The following PPP1R12B variants were observed in gnomAD, a reference collection of about 807,000 sequenced individuals.
PPP1R12B encodes myosin phosphatase target subunit 2.
Under a neutral mutation model 126.1 loss-of-function variants are expected in PPP1R12B, and 76 were observed. The ratio of observed to expected loss-of-function variants is 0.60; its 90% CI spans 0.50 to 0.73. The LOEUF (loss-of-function observed/expected upper bound fraction) is 0.73. PPP1R12B is among the 30% of genes least tolerant of loss of function. PPP1R12B has a pLI of 0.00. For missense variants in PPP1R12B, 1,052 were observed against 1,205.1 expected (o/e 0.87, Z 1.88); for synonymous variants, 356 against 434.7 (o/e 0.82, Z 2.25).
At chr1:202,458,979 G>A (rs2148749852) in intron 13 of PPP1R12B, among the ~76,000 whole-genome samples, 1 of 152,328 alleles carries the variant, frequency 6.6e-6, no homozygotes, top group South Asian at 2.1e-4. Context: ...GTTGGGGAGT[G>A]GGTTTTACCA....
chr1:202,353,751 C>A (rs1656504093), intron 1 of PPP1R12B, among the ~76,000 whole-genome samples: 1 of 151,910 alleles, frequency 6.6e-6, no homozygotes, highest in African/African-American at 2.4e-5. Flanking sequence ...ACTGGGACTA[C>A]AGGCACACCC....
chr1:202,466,632 T>G (rs538885917), intron 13 of PPP1R12B, among the ~76,000 whole-genome samples: 33 of 152,352 alleles, frequency 2.2e-4, no homozygotes, highest in African/African-American at 7.2e-4. Flanking sequence ...GTAAAGGACT[T>G]ACTTAGGACA....
chr1:202,484,075 C>G (rs1677759679), intron 13 of PPP1R12B, among the ~76,000 whole-genome samples: 1 of 152,102 alleles, frequency 6.6e-6, no homozygotes, highest in Admixed American at 6.5e-5. Flanking sequence ...CACTCTATAT[C>G]TTTTAATTGG....
intron 1 of PPP1R12B, among the ~76,000 whole-genome samples, chr1:202,368,871 A>G (rs894881243): frequency 2.0e-5 from 3 of 152,146 alleles, no homozygotes; most frequent in African/African-American, 7.2e-5. Context: ...AGCTACGACT[A>G]CAGGAATGCA....
At chr1:202,429,173 C>T (rs1669910258) in intron 6 of PPP1R12B, among the ~76,000 whole-genome samples, 1 of 152,136 alleles carries the variant, frequency 6.6e-6, no homozygotes, top group Non-Finnish European at 1.5e-5. Context: ...AAGTTAAAAA[C>T]AGCCACAAAA....
intron 18 of PPP1R12B, among the ~76,000 whole-genome samples, chr1:202,540,788 G>A (rs981176063): frequency 2.6e-5 from 4 of 152,204 alleles, no homozygotes; most frequent in African/African-American, 7.2e-5. Context: ...CAATGAGCAA[G>A]GAGTTATGGC....
At chr1:202,487,286 A>C (rs928947101) in intron 13 of PPP1R12B, among the ~76,000 whole-genome samples, 3 of 152,270 alleles carry the variant, frequency 2.0e-5, no homozygotes, top group African/African-American at 4.8e-5. Context: ...CCTATTTTCT[A>C]TAGGAACAGA....
chr1:202,435,231 CACAA>C (rs1235679393), intron 9 of PPP1R12B, among the ~76,000 whole-genome samples: 2 of 152,126 alleles, frequency 1.3e-5, no homozygotes, highest in African/African-American at 4.8e-5. Flanking sequence ...TTTTGGAGGA[CACAA>C]ACATTCAACC....
intron 13 of PPP1R12B, among the ~76,000 whole-genome samples, chr1:202,458,981 G>A (rs1430135184): frequency 6.6e-6 from 1 of 152,192 alleles, no homozygotes; most frequent in African/African-American, 2.4e-5. Context: ...TGGGGAGTGG[G>A]TTTTACCATT....
chr1:202,400,931 C>T (rs926125892), intron 1 of PPP1R12B, among the ~76,000 whole-genome samples: 1 of 152,196 alleles, frequency 6.6e-6, no homozygotes, highest in African/African-American at 2.4e-5. Context: ...AAATCCAGCC[C>T]ACTGCCTGTT....
intron 1 of PPP1R12B, among the ~76,000 whole-genome samples, chr1:202,369,190 T>G (rs1196001619): frequency 6.6e-6 from 1 of 152,198 alleles, no homozygotes; most frequent in Non-Finnish European, 1.5e-5. Flanking sequence ...TCCCCAGTAT[T>G]TAAATATATT....
At chr1:202,399,255 T>C (rs1006443839) in intron 1 of PPP1R12B, among the ~76,000 whole-genome samples, 2 of 152,178 alleles carry the variant, frequency 1.3e-5, no homozygotes, top group Admixed American at 6.5e-5. Context: ...GGTCTCGCTC[T>C]GTCACCTAGG....
At chr1:202,466,862 C>T (rs1441350075) in intron 13 of PPP1R12B, among the ~76,000 whole-genome samples, 2 of 152,024 alleles carry the variant, frequency 1.3e-5, no homozygotes, top group African/African-American at 4.8e-5. Context: ...AGTCTTTGTT[C>T]TCACTTTTTT....
intron 18 of PPP1R12B, among the ~76,000 whole-genome samples, chr1:202,498,950 A>G (rs967145487): frequency 1.3e-5 from 2 of 152,158 alleles, no homozygotes; most frequent in Admixed American, 6.5e-5. Flanking sequence ...CTTGAGAATT[A>G]TAATATCTAT....
intron 1 of PPP1R12B, among the ~76,000 whole-genome samples, chr1:202,375,613 T>G (rs1661050928): frequency 6.6e-6 from 1 of 152,240 alleles, no homozygotes; most frequent in Non-Finnish European, 1.5e-5. Context: ...TCTCACTATG[T>G]TGTGCAGTGG....
At chr1:202,385,304 GTAGT>G (rs1179086579) in intron 1 of PPP1R12B, among the ~76,000 whole-genome samples, 1 of 152,096 alleles carries the variant, frequency 6.6e-6, no homozygotes, top group Non-Finnish European at 1.5e-5. Flanking sequence ...ATCCCTCTCA[GTAGT>G]TTCTTCTTCA....
At chr1:202,442,259 TAAAAG>T (rs932789908) in intron 11 of PPP1R12B, among the ~76,000 whole-genome samples, 183 bp from the exon 12 acceptor site, 1 of 152,216 alleles carries the variant, frequency 6.6e-6, no homozygotes, top group Non-Finnish European at 1.5e-5. Context: ...TCAAAGTTGA[TAAAAG>T]AAAGCAGGCA....
At position 202,449,134 on chromosome 1, in the gene PPP1R12B, G is replaced by A. The variant is rs758611363; in HGVS notation, c.1813G>A (p.Gly605Arg). 31 of 1,612,620 alleles carry A rather than the reference G, an allele frequency of 1.9e-5. No homozygotes were observed. The highest frequency in any genetic ancestry group is 2.5e-5 in the Non-Finnish European group (30 of 1,179,278). Residue 605 changes from glycine to arginine, a missense_variant, in exon 13 of 24, where the codon GGA (glycine) becomes AGA (arginine). By Grantham distance (125) the Gly-to-Arg change is moderately radical. Coordinates refer to ENST00000608999, the MANE Select transcript of PPP1R12B (RefSeq NM_002481.4). ...VTATPVLSIT[G>R]TDSSVEAREK... is the part of the protein sequence containing the mutation. The stretch of plus-strand genomic sequence containing the variant: ...AGCTACTCCTGTGCTCTCCATTACT[G>A]GAACAGATTCCTCTGTGGAAGCCAG...
chr1:202,416,525 T>TAA (rs35476608), intron 1 of PPP1R12B, among the ~76,000 whole-genome samples: 1,804 of 111,508 alleles, frequency 0.016, 44 homozygotes, highest in African/African-American at 0.053. Context: ...AAACTCTGTC[T>TAA]AAAAAAAAAA....
Sources: gnomAD v4.1 joint callset for allele counts (sites outside exome capture counted in the v4.1 genomes callset) on GRCh38, gnomAD v4.1.1 for gene constraint, MANE v1.5 for transcripts, NCBI Gene and HGNC (gene_info 2026-07-23, HGNC 2026-07-21) for gene names.